Variants in IL1RAPL2 observed in about 807,000 individuals in gnomAD.
IL1RAPL2 encodes X-linked interleukin-1 receptor accessory protein-like 2.
In IL1RAPL2, 3 loss-of-function variants were observed where a neutral mutation model predicts 44.1. The observed-to-expected ratio is 0.07, with a 90% confidence interval of 0.03 to 0.18. The LOEUF is 0.18. Among genes scored for constraint, IL1RAPL2 ranks in the 10% least tolerant of loss-of-function variants. The probability of loss-of-function intolerance (pLI) is 1.00; values close to 1 mark genes in which losing one functional copy is unlikely to be tolerated. For synonymous variants in IL1RAPL2, 181 were observed against 178.8 expected, an observed-to-expected ratio of 1.01 and a Z score of -0.10; for missense variants, 391 against 496.4, an observed-to-expected ratio of 0.79 and a Z score of 2.02.
At chrX:104,697,210 G>A (rs1475797425) in intron 2 of IL1RAPL2, among the ~76,000 whole-genome samples, 4 of 112,510 alleles carry the variant, frequency 3.6e-5, no homozygotes, top group Non-Finnish European at 5.6e-5. Flanking sequence ...CATGAGCCGG[G>A]ATAATTTGCC....
At chrX:104,913,184 A>G (rs1324136695) in intron 2 of IL1RAPL2, among the ~76,000 whole-genome samples, 1 of 111,334 alleles carries the variant, frequency 9.0e-6, no homozygotes, top group Non-Finnish European at 1.9e-5. Flanking sequence ...AAAATCATTC[A>G]TTTTGTTTGT....
intron 2 of IL1RAPL2, among the ~76,000 whole-genome samples, chrX:104,687,777 C>T (rs1204409259): frequency 9.0e-6 from 1 of 111,044 alleles, no homozygotes; most frequent in Non-Finnish European, 1.9e-5. Flanking sequence ...TATATGTGTC[C>T]TGGAGAACTG....
intron 1 of IL1RAPL2, 62 bp from the exon 2 acceptor site, chrX:104,658,833 G>A: frequency 2.9e-6 from 2 of 692,345 alleles, no homozygotes; most frequent in Admixed American, 2.6e-5. Context: ...AATTATAGGT[G>A]TGGTTTTGTT....
chrX:104,675,708 C>G (rs1022208876), intron 2 of IL1RAPL2, among the ~76,000 whole-genome samples: 1 of 110,612 alleles, frequency 9.0e-6, no homozygotes, highest in Non-Finnish European at 1.9e-5. Context: ...GTGTTAAAGT[C>G]TCCCATTATT....
At chrX:105,711,479 T>C (rs1260400455) in intron 6 of IL1RAPL2, among the ~76,000 whole-genome samples, 1 of 111,337 alleles carries the variant, frequency 9.0e-6, no homozygotes, top group Non-Finnish European at 1.9e-5. Flanking sequence ...CCTAATCACC[T>C]CTTAAAGATC....
intron 2 of IL1RAPL2, among the ~76,000 whole-genome samples, chrX:104,805,050 G>A (rs1932912408): frequency 8.9e-6 from 1 of 111,759 alleles, no homozygotes; most frequent in South Asian, 3.8e-4. Flanking sequence ...TGTTTTCTCT[G>A]CCTAAAACGT....
intron 2 of IL1RAPL2, among the ~76,000 whole-genome samples, chrX:105,165,863 GC>G (rs971732443): frequency 3.6e-5 from 4 of 111,508 alleles, no homozygotes; most frequent in African/African-American, 1.3e-4. Context: ...CAATTCCTCT[GC>G]AGATCCCTCT....
chrX:104,679,805 T>C (rs770740709), intron 2 of IL1RAPL2, among the ~76,000 whole-genome samples: 47 of 111,778 alleles, frequency 4.2e-4, no homozygotes, highest in African/African-American at 1.4e-3. Context: ...GGGAATGATC[T>C]TTTGCATCAC....
chrX:105,595,954 T>A (rs1465972675), intron 6 of IL1RAPL2, among the ~76,000 whole-genome samples: 2 of 111,738 alleles, frequency 1.8e-5, no homozygotes, highest in Non-Finnish European at 3.8e-5. Flanking sequence ...TTTATGATAG[T>A]CTTTCCGATC....
intron 4 of IL1RAPL2, among the ~76,000 whole-genome samples, chrX:105,244,175 G>A (rs1490338069): frequency 1.8e-5 from 2 of 110,859 alleles, no homozygotes; most frequent in Non-Finnish European, 3.8e-5. Flanking sequence ...ATACTTGTGC[G>A]TGTATAAGCC....
At chrX:105,073,290 C>T (rs746394557) in intron 2 of IL1RAPL2, among the ~76,000 whole-genome samples, 14 of 95,139 alleles carry the variant, frequency 1.5e-4, no homozygotes, top group East Asian at 3.6e-4. Context: ...TGAGAACATG[C>T]GGTGTTTGGT....
chrX:104,791,489 T>C (rs192077695), intron 2 of IL1RAPL2, among the ~76,000 whole-genome samples: 30 of 111,869 alleles, frequency 2.7e-4, no homozygotes, highest in African/African-American at 7.8e-4. Context: ...CAGATATAGA[T>C]ACACTTATGT....
intron 5 of IL1RAPL2, among the ~76,000 whole-genome samples, chrX:105,283,241 G>A (rs760050114): frequency 1.3e-4 from 15 of 111,574 alleles, no homozygotes; most frequent in African/African-American, 4.9e-4. Flanking sequence ...AGAATAGACA[G>A]AGATTAAGTG....
chrX:105,037,223 G>T (rs955240538), intron 2 of IL1RAPL2, among the ~76,000 whole-genome samples: 31 of 111,856 alleles, frequency 2.8e-4, no homozygotes, highest in African/African-American at 8.8e-4. Flanking sequence ...AAAGATAAAG[G>T]AGAAATGATG....
chrX:105,491,624 G>T (rs1437348228), intron 6 of IL1RAPL2, among the ~76,000 whole-genome samples: 1 of 111,739 alleles, frequency 8.9e-6, no homozygotes, highest in African/African-American at 3.3e-5. Context: ...ACATTCTAGG[G>T]TTAGTGAGTT....
intron 5 of IL1RAPL2, among the ~76,000 whole-genome samples, chrX:105,373,222 G>A (rs2035358056): frequency 8.9e-6 from 1 of 112,290 alleles, no homozygotes; most frequent in Non-Finnish European, 1.9e-5. Flanking sequence ...TAACTGGTAT[G>A]AGATGAAATC....
At chrX:105,406,776 TC>T (rs2035648213) in intron 5 of IL1RAPL2, 6 of 1,184,229 alleles carry the variant, frequency 5.1e-6, no homozygotes, top group Non-Finnish European at 5.7e-6. Flanking sequence ...ATCCTTCTGG[TC>T]TTAAAGCCAA....
At position 105,734,810 on chromosome X, in the gene IL1RAPL2, C is replaced by A. The variant is rs1248364136; in HGVS notation, c.903-5736C>A. ...CTTTTTCCAATCTTCACAGTAAGAA[C>A]TTAGTAGCGCTTATGTAGGCAAAAC... On this transcript the variant is annotated intron_variant, in intron 7 of 10. Coordinates refer to ENST00000372582, the MANE Select transcript of IL1RAPL2 (RefSeq NM_017416.2). 2.7e-5 allele frequency among the ~76,000 whole-genome samples: 3 copies of A among 111,657 alleles called. No individual in the cohort carries two copies. In the Admixed American group the frequency reaches 2.9e-4, roughly 11 times the overall value.
intron 2 of IL1RAPL2, among the ~76,000 whole-genome samples, chrX:105,076,282 G>A (rs1275190501): frequency 2.7e-5 from 3 of 111,312 alleles, no homozygotes; most frequent in Middle Eastern, 4.6e-3. Context: ...CTTTATTTCT[G>A]CCTTCATTTC....
Sources: gnomAD v4.1 joint callset for allele counts (sites outside exome capture counted in the v4.1 genomes callset) on GRCh38, gnomAD v4.1.1 for gene constraint, MANE v1.5 for transcripts, NCBI Gene and HGNC (gene_info 2026-07-23, HGNC 2026-07-21) for gene names.